The following ACVR1 variants were observed in gnomAD, a reference collection of about 807,000 sequenced individuals.
ACVR1 encodes activin A receptor type 1, also known as activin receptor type-1.
A neutral mutation model predicts 57.1 loss-of-function variants in ACVR1; 38 were observed. The ratio of observed to expected loss-of-function variants is 0.67; its 90% confidence interval spans 0.51 to 0.87. ACVR1 has a LOEUF of 0.87. Among genes scored for constraint, ACVR1 ranks in the 40% least tolerant of loss-of-function variants. The pLI is 0.00. For synonymous variants in ACVR1, 212 were observed against 228.1 expected (o/e 0.93, Z 0.63); for missense variants, 463 against 638.2 (o/e 0.73, Z 2.96).
chr2:157,755,564 A>ATACCG (rs1398483731), intron 9 of ACVR1, among the ~76,000 whole-genome samples: 9 of 150,168 alleles, frequency 6.0e-5, no homozygotes, highest in East Asian at 3.9e-4. Flanking sequence ...ATACCATACC[A>ATACCG]TACCGTACCA....
At chr2:157,775,067 C>T (rs1175575906) in intron 5 of ACVR1, among the ~76,000 whole-genome samples, 4 of 152,158 alleles carry the variant, frequency 2.6e-5, no homozygotes, top group Non-Finnish European at 5.9e-5. Context: ...AACGAAAAGA[C>T]TCCAATGACC....
intron 1 of ACVR1, among the ~76,000 whole-genome samples, chr2:157,866,777 T>A (rs551489976): frequency 6.6e-6 from 1 of 152,332 alleles, no homozygotes; most frequent in African/African-American, 2.4e-5. Flanking sequence ...TACTCCTCTA[T>A]TCGGATAAAC....
At chr2:157,779,518 G>A (rs1686421433) in intron 4 of ACVR1, among the ~76,000 whole-genome samples, 1 of 152,080 alleles carries the variant, frequency 6.6e-6, no homozygotes, top group East Asian at 1.9e-4. Context: ...CTTTCTTGCT[G>A]GCTGACATTT....
chr2:157,737,036 C>A lies in ACVR1; in HGVS notation c.*495G>T, dbSNP rs1165257616. 6 of 291,940 alleles carry A rather than the reference C, an allele frequency of 2.1e-5. No homozygotes were observed. The highest frequency in any genetic ancestry group is 3.2e-5 in the Non-Finnish European group (5 of 157,278). The allele number at this position is 291,940 out of a possible 1,614,324, so 18.1% of individuals were successfully genotyped here. On this transcript the variant is annotated 3_prime_UTR_variant, in exon 11 of 11. Transcript: ENST00000434821. ...AAAGACAGACCAGTGGAGTACGCAG[C>A]CAACATTTTGGCAAGTTGGGTCTTT...
chr2:157,859,783 G>A (rs1574157532), intron 1 of ACVR1, among the ~76,000 whole-genome samples: 1 of 152,090 alleles, frequency 6.6e-6, no homozygotes, highest in Non-Finnish European at 1.5e-5. Context: ...ATCCCCCTAA[G>A]TGTTTCCCAA....
chr2:157,737,250 C>A lies in ACVR1; in HGVS notation c.*281G>T, dbSNP rs185021658. 2.1e-4 allele frequency: 109 copies of A among 511,850 alleles called. No homozygotes were observed. The highest frequency in any genetic ancestry group is 2.0e-3 in the African/African-American group (106 of 52,252). 31.7% of individuals were successfully genotyped at this position (511,850 alleles called of 1,614,324 possible). A position where few individuals can be genotyped will look rare whatever the true frequency, so the allele number is the denominator to read the frequency against. On this transcript the variant is annotated 3_prime_UTR_variant, in exon 11 of 11. Transcript: ENST00000434821. ...TGCCCAGATCTCTTTTAGGATTTCT[C>A]TGTGTTCCTCCAGTCCCTACCTTTG...
chr2:157,801,727 T>C (rs1687334737), intron 2 of ACVR1, among the ~76,000 whole-genome samples: 1 of 152,226 alleles, frequency 6.6e-6, no homozygotes, highest in Non-Finnish European at 1.5e-5. Flanking sequence ...TTTTATAATA[T>C]GTACTTATTT....
chr2:157,854,813 G>A (rs1689454242), intron 1 of ACVR1, among the ~76,000 whole-genome samples: 1 of 151,962 alleles, frequency 6.6e-6, no homozygotes, highest in Non-Finnish European at 1.5e-5. Flanking sequence ...GCTGAGGTGT[G>A]TGGATCACAA....
chr2:157,775,684 C>A (rs556669714), intron 5 of ACVR1, among the ~76,000 whole-genome samples: 3 of 152,334 alleles, frequency 2.0e-5, no homozygotes, highest in Admixed American at 1.3e-4. Context: ...ACCATTTTCT[C>A]TCTTGCGGTT....
At chr2:157,800,814 T>G (rs1687295957) in intron 2 of ACVR1, among the ~76,000 whole-genome samples, 1 of 152,050 alleles carries the variant, frequency 6.6e-6, no homozygotes, top group African/African-American at 2.4e-5. Context: ...AGAATGTGAC[T>G]CCTCCAACAC....
intron 6 of ACVR1, among the ~76,000 whole-genome samples, chr2:157,772,203 T>G (rs1686095397): frequency 6.6e-6 from 1 of 152,216 alleles, no homozygotes; most frequent in Admixed American, 6.5e-5. Context: ...TTCATCATTA[T>G]GCAGAAGCCC....
chr2:157,753,079 A>G (rs1409033472), intron 9 of ACVR1, among the ~76,000 whole-genome samples: 5 of 152,210 alleles, frequency 3.3e-5, no homozygotes, highest in African/African-American at 1.2e-4. Context: ...CACCTAACAC[A>G]TAAGGACTCA....
intron 2 of ACVR1, among the ~76,000 whole-genome samples, chr2:157,805,753 A>G (rs1457122401): frequency 2.0e-5 from 3 of 151,770 alleles, no homozygotes; most frequent in African/African-American, 7.3e-5. Flanking sequence ...ACAGTTTAGC[A>G]ATCTTGTTCT....
rs745488328 is a variant in ACVR1, at chr2:157,760,861, T to G, written c.1264+19A>C. Reference sequence around the variant, plus strand: ...GAGAACTTGGATTAAGACAATATTATATTAGATTAGATACCTACCATTGCT... The same window carrying G: ...GAGAACTTGGATTAAGACAATATTAGATTAGATTAGATACCTACCATTGCT... On this transcript the variant is annotated intron_variant, in intron 9 of 10. Coordinates refer to ENST00000434821, the MANE Select transcript of ACVR1 (RefSeq NM_001111067.4). 2.2e-5 allele frequency: 36 copies of G among 1,612,378 alleles called. No homozygotes were observed. In the South Asian group the frequency reaches 2.4e-4, roughly 11 times the overall value.
At chr2:157,745,263 A>G (rs1344485109) in intron 9 of ACVR1, among the ~76,000 whole-genome samples, 1 of 152,210 alleles carries the variant, frequency 6.6e-6, no homozygotes, top group African/African-American at 2.4e-5. Context: ...CCTGGGTTAA[A>G]CTATGAACAA....
At chr2:157,805,380 T>C (rs75548305) in intron 2 of ACVR1, among the ~76,000 whole-genome samples, 4,150 of 152,288 alleles carry the variant, frequency 0.027, 87 homozygotes, top group Non-Finnish European at 0.038. Context: ...GGAAGACAGG[T>C]CATACAATCA....
At chr2:157,819,074 T>C (rs1335473374) in intron 1 of ACVR1, among the ~76,000 whole-genome samples, 2 of 41,662 alleles carry the variant, frequency 4.8e-5, no homozygotes, top group Non-Finnish European at 8.0e-5. Context: ...CGAGACTCCG[T>C]CTCAAAAAAA....
At chr2:157,779,364 T>C (rs1189982515) in intron 4 of ACVR1, among the ~76,000 whole-genome samples, 1 of 152,250 alleles carries the variant, frequency 6.6e-6, no homozygotes, top group Non-Finnish European at 1.5e-5. Flanking sequence ...ATGTAAATAC[T>C]TGATCTCCTT....
intron 1 of ACVR1, among the ~76,000 whole-genome samples, chr2:157,845,273 G>C (rs1433855392): frequency 1.3e-5 from 2 of 152,282 alleles, no homozygotes; most frequent in African/African-American, 2.4e-5. Flanking sequence ...CCTTATTTGG[G>C]AAAAGGGTCT....
Sources: allele counts gnomAD v4.1 joint callset (sites outside exome capture counted in the v4.1 genomes callset), GRCh38; gene constraint gnomAD v4.1.1; transcripts MANE v1.5; gene names NCBI Gene and HGNC (gene_info 2026-07-23, HGNC 2026-07-21).